SUZ12: variants seen among roughly 807,000 people sequenced by gnomAD.
SUZ12 encodes the protein polycomb protein SUZ12.
Under a neutral mutation model 87.3 loss-of-function variants are expected in SUZ12, and 17 were observed. That is an observed-to-expected ratio of 0.19 (90% CI 0.13 to 0.29). SUZ12 has a LOEUF of 0.29. Ranked by LOEUF, SUZ12 falls within the 10% of genes least tolerant of loss-of-function variation. The pLI, the probability that SUZ12 is intolerant of heterozygous loss-of-function variation, is 1.00. For synonymous variants in SUZ12, 253 were observed against 312.4 expected (o/e 0.81, Z 2.01); for missense variants, 526 against 912.2 (o/e 0.58, Z 5.45).
rs1389534421 is a variant in SUZ12, at chr17:31,999,861, A to AG, written c.*858_*859insG. The AG allele has an allele frequency of 3.9e-5, 9 of 232,608 alleles. No homozygotes were observed. Among genetic ancestry groups the AG allele is most frequent in the Non-Finnish European group, 5.1e-5 (6 of 117,766 alleles). 14.4% of individuals were successfully genotyped at this position (232,608 alleles called of 1,614,324 possible). A position where few individuals can be genotyped will look rare whatever the true frequency, so the allele number is the denominator to read the frequency against. On this transcript the variant is annotated 3_prime_UTR_variant, in exon 16 of 16. Transcript: ENST00000322652. Reference sequence around the variant, plus strand: ...ATTAGGATTGCAAACCAAGGAAAGAACGCATTTGAGATTTTAAGATGTCAC... The same window carrying AG: ...ATTAGGATTGCAAACCAAGGAAAGAAGCGCATTTGAGATTTTAAGATGTCAC...
chr17:31,952,726 C>G (rs1217070154), intron 4 of SUZ12, among the ~76,000 whole-genome samples: 2 of 152,086 alleles, frequency 1.3e-5, no homozygotes, highest in African/African-American at 4.8e-5. Flanking sequence ...CCACGCCCAG[C>G]TACTTTTTGC....
chr17:31,959,172 C>T (rs1907550438), intron 4 of SUZ12, among the ~76,000 whole-genome samples: 2 of 152,016 alleles, frequency 1.3e-5, no homozygotes, highest in Admixed American at 6.6e-5. Flanking sequence ...GTCATCTTTT[C>T]AGTCTTGAGT....
At chr17:31,967,297 T>C (rs1290361123) in intron 5 of SUZ12, 6 of 152,116 alleles carry the variant, frequency 3.9e-5, no homozygotes, top group African/African-American at 1.4e-4. Flanking sequence ...AAACCATTAT[T>C]AGAAACATGC....
intron 4 of SUZ12, among the ~76,000 whole-genome samples, chr17:31,956,536 C>G (rs1296641073): frequency 6.6e-6 from 1 of 152,116 alleles, no homozygotes; most frequent in Non-Finnish European, 1.5e-5. Flanking sequence ...TCTGTTTCTT[C>G]TAACATTAGA....
intron 8 of SUZ12, among the ~76,000 whole-genome samples, chr17:31,982,163 T>C (rs577303026): frequency 6.6e-6 from 1 of 152,336 alleles, no homozygotes; most frequent in Non-Finnish European, 1.5e-5. Context: ...TAGTATTCCA[T>C]GAAGTGTTTA....
intron 10 of SUZ12, among the ~76,000 whole-genome samples, chr17:31,992,160 C>T (rs1226594808): frequency 1.3e-5 from 2 of 151,450 alleles, no homozygotes; most frequent in Non-Finnish European, 2.9e-5. Context: ...GGTGTGGTGG[C>T]GGGCGCCTGT....
rs372080620 is a variant in SUZ12 at position 31,983,345 on chromosome 17, G to A, written c.1023+241G>A. 4.1e-5 allele frequency among the ~76,000 whole-genome samples: 6 copies of A among 147,518 alleles called. No homozygotes were observed. The East Asian group carries it at 9.9e-4, about 24-fold the overall frequency. ...GGCTGGAGTGCAGTGGCATGGTCTC[G>A]GCTCACTGCAACCTCCACCTCCCGG... On this transcript the variant is annotated intron_variant, in intron 9 of 15. Coordinates refer to ENST00000322652, the MANE Select transcript of SUZ12 (RefSeq NM_015355.4).
chr17:31,995,524 A>ACAT (rs1567839764), intron 13 of SUZ12, 40 bp from the exon 14 acceptor site: 1 of 1,550,054 alleles, frequency 6.5e-7, no homozygotes, highest in Admixed American at 1.7e-5. Flanking sequence ...GATGGTATAC[A>ACAT]TGTAGAGGCC....
intron 3 of SUZ12, 150 bp from the exon 4 acceptor site, chr17:31,947,467 A>G (rs1906702025): frequency 2.0e-6 from 2 of 1,025,064 alleles, no homozygotes; most frequent in East Asian, 2.8e-5. Context: ...TCTCCATAGT[A>G]TTCATTGTTA....
At chr17:31,997,262 C>T (rs1216829673) in intron 15 of SUZ12, among the ~76,000 whole-genome samples, 1 of 152,128 alleles carries the variant, frequency 6.6e-6, no homozygotes, top group Non-Finnish European at 1.5e-5. Context: ...GAAAGGGTGT[C>T]ATCATCATAG....
chr17:31,949,047 A>G (rs1316609531), intron 4 of SUZ12, among the ~76,000 whole-genome samples: 1 of 152,134 alleles, frequency 6.6e-6, no homozygotes, highest in African/African-American at 2.4e-5. Flanking sequence ...AGTTTGCCCT[A>G]TAGTCATTTC....
At chr17:31,995,797 G>T in intron 14 of SUZ12, 35 bp downstream of exon 14, 2 of 1,491,428 alleles carry the variant, frequency 1.3e-6, no homozygotes, top group South Asian at 1.2e-5. Flanking sequence ...AATTATCTTG[G>T]AATATTATTT....
At chr17:31,952,683 C>G (rs1426074590) in intron 4 of SUZ12, among the ~76,000 whole-genome samples, 1 of 152,052 alleles carries the variant, frequency 6.6e-6, no homozygotes, top group Non-Finnish European at 1.5e-5. Context: ...ATGCCTCAGC[C>G]TCCTGAGTAG....
intron 9 of SUZ12, among the ~76,000 whole-genome samples, chr17:31,984,872 G>T (rs564411238): frequency 6.6e-6 from 1 of 152,248 alleles, no homozygotes; most frequent in Non-Finnish European, 1.5e-5. Flanking sequence ...ACAGTAAGTT[G>T]GGGCCGGGCT....
At chr17:31,939,170 G>A (rs1257448367) in intron 1 of SUZ12, among the ~76,000 whole-genome samples, 2 of 152,110 alleles carry the variant, frequency 1.3e-5, no homozygotes, top group Non-Finnish European at 2.9e-5. Context: ...AAAATGTATT[G>A]AGGTAATATT....
rs146247429 is a variant in SUZ12 at position 31,949,964 on chromosome 17, G to T, written c.455+2279G>T. Reference sequence around the variant, plus strand: ...TCCTGAAGTGCTGGGATTACAGGTGGGAGCCACCAAGCCTGGCCAATTTTT... The same window carrying T: ...TCCTGAAGTGCTGGGATTACAGGTGTGAGCCACCAAGCCTGGCCAATTTTT... On this transcript the variant is annotated intron_variant, in intron 4 of 15. Coordinates refer to ENST00000322652, the MANE Select transcript of SUZ12 (RefSeq NM_015355.4). 8.5e-3 allele frequency among the ~76,000 whole-genome samples: 1,289 copies of T among 151,700 alleles called. 16 individuals are homozygous for T. Among genetic ancestry groups the T allele is most frequent in the African/African-American group, 0.03 (1,230 of 41,342 alleles).
At chr17:31,980,924 TG>T (rs1909066472) in intron 8 of SUZ12, among the ~76,000 whole-genome samples, 1 of 151,978 alleles carries the variant, frequency 6.6e-6, no homozygotes. Context: ...CTTAGTACTT[TG>T]GAAGACCAAG....
intron 9 of SUZ12, among the ~76,000 whole-genome samples, chr17:31,987,519 A>G (rs1377764586): frequency 6.6e-6 from 1 of 152,242 alleles, no homozygotes; most frequent in Non-Finnish European, 1.5e-5. Flanking sequence ...TGAAACTGAG[A>G]GAAGTCAAAG....
chr17:31,957,314 A>G (rs1490864046), intron 4 of SUZ12, among the ~76,000 whole-genome samples: 1 of 151,266 alleles, frequency 6.6e-6, no homozygotes, highest in Admixed American at 6.6e-5. Flanking sequence ...ATCTCTGCTC[A>G]CTACAACCTC....
Sources: gnomAD v4.1 joint callset for allele counts (sites outside exome capture counted in the v4.1 genomes callset) on GRCh38, gnomAD v4.1.1 for gene constraint, MANE v1.5 for transcripts, NCBI Gene and HGNC (gene_info 2026-07-23, HGNC 2026-07-21) for gene names.